The following EXOC6 variants were observed in gnomAD, a reference collection of about 807,000 sequenced individuals.
EXOC6 encodes the protein exocyst complex component 6, also known as SEC15-like 1.
Under a neutral mutation model 112.5 loss-of-function variants are expected in EXOC6, and 60 were observed. The ratio of observed to expected loss-of-function variants is 0.53; its 90% CI spans 0.43 to 0.66. The LOEUF (loss-of-function observed/expected upper bound fraction) is 0.66, where lower values mean the gene tolerates loss of function less well. EXOC6 is among the 30% of genes least tolerant of loss of function. The probability of loss-of-function intolerance (pLI) is 0.00; values close to 1 mark genes in which losing one functional copy is unlikely to be tolerated. For synonymous variants in EXOC6, 295 were observed against 308.0 expected (o/e 0.96, Z 0.44); for missense variants, 855 against 957.1 (o/e 0.89, Z 1.41).
intron 1 of EXOC6, among the ~76,000 whole-genome samples, chr10:92,860,792 C>G (rs569682427): frequency 1.3e-5 from 2 of 152,290 alleles, no homozygotes; most frequent in South Asian, 4.1e-4. Flanking sequence ...TACTTTTCTT[C>G]CTTTTTTAGG....
intron 8 of EXOC6, among the ~76,000 whole-genome samples, chr10:92,922,135 G>A (rs1000486468): frequency 3.3e-5 from 5 of 151,904 alleles, no homozygotes; most frequent in Admixed American, 2.6e-4. Flanking sequence ...TAGTAGAGAC[G>A]GGGTTTCTCC....
chr10:92,860,073 T>C (rs1219075583), intron 1 of EXOC6, among the ~76,000 whole-genome samples: 1 of 152,184 alleles, frequency 6.6e-6, no homozygotes, highest in African/African-American at 2.4e-5. Flanking sequence ...TTTTCTGTTT[T>C]GTTATTTATT....
intron 5 of EXOC6, among the ~76,000 whole-genome samples, chr10:92,908,055 G>GTCT (rs1554891659): frequency 1.5e-5 from 1 of 65,092 alleles, no homozygotes; most frequent in African/African-American, 8.0e-5. Context: ...TGAATATAAT[G>GTCT]TCTTTTTTTT....
chr10:93,056,870 A>G, intron 20 of EXOC6, 54 bp from the exon 21 acceptor site: 1 of 981,268 alleles, frequency 1.0e-6, no homozygotes, highest in South Asian at 1.4e-5. Context: ...TAATTTAAGT[A>G]TTAACTGGGT....
At chr10:93,026,278 A>G (rs537508701) in intron 20 of EXOC6, among the ~76,000 whole-genome samples, 1 of 152,196 alleles carries the variant, frequency 6.6e-6, no homozygotes, top group Non-Finnish European at 1.5e-5. Flanking sequence ...TTGCTGAGTC[A>G]GGGAGTGTAT....
chr10:92,836,944 T>C (rs1231848688), intron 1 of EXOC6, among the ~76,000 whole-genome samples: 1 of 152,208 alleles, frequency 6.6e-6, no homozygotes, highest in Non-Finnish European at 1.5e-5. Flanking sequence ...AAACCCAATG[T>C]ATCTTGCAAG....
chr10:92,926,458 A>G (rs1018615874), intron 8 of EXOC6, among the ~76,000 whole-genome samples: 1 of 151,764 alleles, frequency 6.6e-6, no homozygotes, highest in Admixed American at 6.6e-5. Flanking sequence ...ATCTCTCTAT[A>G]TTTGTATATT....
intron 12 of EXOC6, among the ~76,000 whole-genome samples, chr10:92,939,862 G>A (rs537828630): frequency 5.9e-4 from 90 of 152,084 alleles, no homozygotes; most frequent in African/African-American, 8.9e-4. Context: ...TTGATATTTA[G>A]GAGATAGTCT....
At chr10:93,017,586 C>T (rs539961602) in intron 20 of EXOC6, among the ~76,000 whole-genome samples, 7 of 151,844 alleles carry the variant, frequency 4.6e-5, no homozygotes, top group Non-Finnish European at 8.8e-5. Context: ...AAGACTCTGT[C>T]TCAAACAAAC....
intron 17 of EXOC6, among the ~76,000 whole-genome samples, chr10:92,963,988 C>G (rs1193699617): frequency 1.3e-5 from 2 of 151,094 alleles, no homozygotes; most frequent in Non-Finnish European, 2.9e-5. Flanking sequence ...TATCCTAAAG[C>G]CTAATACTCT....
intron 1 of EXOC6, among the ~76,000 whole-genome samples, chr10:92,835,126 C>T (rs1216770424): frequency 6.6e-6 from 1 of 152,140 alleles, no homozygotes; most frequent in Non-Finnish European, 1.5e-5. Context: ...TTTTCTTTAA[C>T]ATATCACTTA....
chr10:92,881,555 A>G (rs1235490148), intron 1 of EXOC6, among the ~76,000 whole-genome samples: 3 of 152,268 alleles, frequency 2.0e-5, no homozygotes, highest in Admixed American at 1.3e-4. Flanking sequence ...TTCAGTTTCT[A>G]TTGCTTGTGC....
chr10:92,916,194 CCGCTTACATGTG>C (rs76990941), intron 7 of EXOC6, among the ~76,000 whole-genome samples: 3,340 of 152,210 alleles, frequency 0.022, 56 homozygotes, highest in African/African-American at 0.041. Context: ...GGACAGCTAG[CCGCTTACATGTG>C]AACACTTGTC....
At chr10:92,835,159 A>G (rs534386578) in intron 1 of EXOC6, among the ~76,000 whole-genome samples, 1 of 152,348 alleles carries the variant, frequency 6.6e-6, no homozygotes, top group East Asian at 1.9e-4. Flanking sequence ...CAGAACAATT[A>G]GACATATCAA....
intron 20 of EXOC6, among the ~76,000 whole-genome samples, chr10:93,014,736 G>A (rs74149197): frequency 0.056 from 8,471 of 152,106 alleles, 387 homozygotes; most frequent in East Asian, 0.13. Flanking sequence ...ATCCCAGAAA[G>A]AAGGATAAAA....
intron 20 of EXOC6, among the ~76,000 whole-genome samples, chr10:93,050,438 C>A (rs1429156668): frequency 1.3e-5 from 2 of 151,492 alleles, no homozygotes. Flanking sequence ...GTAGTCCCAG[C>A]TGCTTGGGAG....
At chr10:92,870,025 C>T (rs1483857035) in intron 1 of EXOC6, among the ~76,000 whole-genome samples, 1 of 144,254 alleles carries the variant, frequency 6.9e-6, no homozygotes, top group Non-Finnish European at 1.5e-5. Flanking sequence ...GATCTTGGCT[C>T]ACTGCAACCT....
chr10:92,953,216 C>T (rs1301434223), intron 15 of EXOC6, among the ~76,000 whole-genome samples: 1 of 151,864 alleles, frequency 6.6e-6, no homozygotes. Flanking sequence ...GTAGCTGGAA[C>T]CACAGGTTCG....
At chr10:93,047,176 A>G (rs1385217582) in intron 20 of EXOC6, among the ~76,000 whole-genome samples, 1 of 152,200 alleles carries the variant, frequency 6.6e-6, no homozygotes. Flanking sequence ...AATAGGCAAG[A>G]CCAATGGCCC....
Sources: gnomAD v4.1 joint callset for allele counts (sites outside exome capture counted in the v4.1 genomes callset) on GRCh38, gnomAD v4.1.1 for gene constraint, MANE v1.5 for transcripts, NCBI Gene and HGNC (gene_info 2026-07-23, HGNC 2026-07-21) for gene names.